The following CNTN5 variants were observed in gnomAD, a reference collection of about 807,000 sequenced individuals.
CNTN5 encodes the protein contactin-5.
In CNTN5, 77 loss-of-function variants were observed where a neutral mutation model predicts 129.1. The ratio of observed to expected loss-of-function variants is 0.60; its 90% CI spans 0.50 to 0.72. CNTN5 has a LOEUF of 0.72. Among genes scored for constraint, CNTN5 ranks in the 30% least tolerant of loss-of-function variants. The pLI, the probability that CNTN5 is intolerant of heterozygous loss-of-function variation, is 0.00. For synonymous variants in CNTN5, 509 were observed against 465.6 expected, an observed-to-expected ratio of 1.09 and a Z score of -1.20; for missense variants, 1,478 against 1,328.8, an observed-to-expected ratio of 1.11 and a Z score of -1.75.
intron 2 of CNTN5, among the ~76,000 whole-genome samples, chr11:99,481,522 T>A (rs1368855299): frequency 4.6e-5 from 7 of 152,198 alleles, no homozygotes; most frequent in Non-Finnish European, 1.0e-4. Context: ...TTGCTGATTA[T>A]GTGAGAAATC....
At chr11:99,633,489 G>A (rs1453792987) in intron 3 of CNTN5, among the ~76,000 whole-genome samples, 1 of 152,156 alleles carries the variant, frequency 6.6e-6, no homozygotes, top group African/African-American at 2.4e-5. Flanking sequence ...TTATCAAGCA[G>A]CTTCTACAAG....
chr11:99,678,954 A>ACTCT (rs201157895), intron 3 of CNTN5, among the ~76,000 whole-genome samples: 8 of 147,534 alleles, frequency 5.4e-5, no homozygotes, highest in East Asian at 3.9e-4. Flanking sequence ...TCTGCTATTC[A>ACTCT]CTCTCTCTCT....
At chr11:99,789,237 C>A (rs1365273516) in intron 3 of CNTN5, among the ~76,000 whole-genome samples, 4 of 151,742 alleles carry the variant, frequency 2.6e-5, no homozygotes, top group Non-Finnish European at 5.9e-5. Flanking sequence ...TTGTACCAGA[C>A]AATGTACTCA....
chr11:100,142,987 G>A (rs943658775), intron 13 of CNTN5, among the ~76,000 whole-genome samples: 1 of 151,946 alleles, frequency 6.6e-6, no homozygotes, highest in African/African-American at 2.4e-5. Flanking sequence ...TTATCTTCAG[G>A]CTATGTGTAC....
rs1395583050 is a variant in CNTN5, at chr11:99,031,307, A to G, written c.-210+10037A>G. Among the ~76,000 whole-genome samples, 126 of 152,234 alleles carry G rather than the reference A, an allele frequency of 8.3e-4. 1 individual carries two copies. Among genetic ancestry groups the G allele is most frequent in the Non-Finnish European group, 1.0e-4 (7 of 68,008 alleles). ...ATAAAATAAAAACACATTTTATTAT[A>G]TGTGTGGTAAATCATATAATATTTT... On this transcript the variant is annotated intron_variant, in intron 1 of 24. Transcript: ENST00000524871.
In CNTN5 at chr11:100,356,475, CA is replaced by C. The variant is rs1279068037; in HGVS notation, c.*258del. 8.5e-6 allele frequency: 4 copies of C among 469,626 alleles called. No homozygotes were observed. Among genetic ancestry groups the C allele is most frequent in the African/African-American group, 8.0e-5 (4 of 49,900 alleles). The allele number at this position is 469,626 out of a possible 1,614,324, so 29.1% of individuals were successfully genotyped here. ...ATTGTATGTAATGAATTTTTGTAAA[CA>C]AAGGTAATTTCTGTCAAATGTATTC... On this transcript the variant is annotated 3_prime_UTR_variant, in exon 25 of 25. Coordinates refer to ENST00000524871, the MANE Select transcript of CNTN5 (RefSeq NM_014361.4).
At chr11:100,060,726 G>A (rs1405168498) in intron 9 of CNTN5, among the ~76,000 whole-genome samples, 3 of 148,452 alleles carry the variant, frequency 2.0e-5, no homozygotes, top group African/African-American at 7.5e-5. Flanking sequence ...TGCAACCTCC[G>A]CTTTCCGGTT....
At chr11:99,687,994 T>A (rs2134758387) in intron 3 of CNTN5, among the ~76,000 whole-genome samples, 1 of 152,308 alleles carries the variant, frequency 6.6e-6, no homozygotes, top group East Asian at 1.9e-4. Flanking sequence ...TTAGTTATTT[T>A]CCAGATTTCC....
intron 2 of CNTN5, among the ~76,000 whole-genome samples, chr11:99,414,029 A>C (rs1942522976): frequency 6.6e-6 from 1 of 152,230 alleles, no homozygotes; most frequent in Non-Finnish European, 1.5e-5. Flanking sequence ...TATTTGTTCA[A>C]CAAATAGATA....
intron 7 of CNTN5, among the ~76,000 whole-genome samples, chr11:99,931,201 G>A (rs1413256395): frequency 6.6e-6 from 1 of 152,082 alleles, no homozygotes; most frequent in African/African-American, 2.4e-5. Context: ...ATAGAAAAAT[G>A]TTTTGTTCTT....
At chr11:100,348,847 T>A (rs1282888928) in intron 23 of CNTN5, among the ~76,000 whole-genome samples, 1 of 152,078 alleles carries the variant, frequency 6.6e-6, no homozygotes, top group Non-Finnish European at 1.5e-5. Context: ...TATTTCCCGC[T>A]GCAGTGCATA....
chr11:99,026,229 A>G (rs1265013803), intron 1 of CNTN5, among the ~76,000 whole-genome samples: 1 of 151,646 alleles, frequency 6.6e-6, no homozygotes, highest in Admixed American at 6.6e-5. Context: ...AACACTGTGA[A>G]AAGTCTCATG....
At chr11:99,444,085 C>A (rs36096393) in intron 2 of CNTN5, among the ~76,000 whole-genome samples, 6,315 of 151,828 alleles carry the variant, frequency 0.042, 188 homozygotes, top group South Asian at 0.076. Context: ...GTAGTCCCAG[C>A]TCTTCGGGAG....
intron 3 of CNTN5, among the ~76,000 whole-genome samples, chr11:99,705,166 T>C (rs905206746): frequency 5.3e-5 from 8 of 151,374 alleles, no homozygotes; most frequent in African/African-American, 1.9e-4. Flanking sequence ...ATATTCTTAT[T>C]CTGTCCTCTT....
intron 1 of CNTN5, among the ~76,000 whole-genome samples, chr11:99,320,483 A>G (rs12365263): frequency 0.26 from 39,824 of 152,090 alleles, 5,844 homozygotes; most frequent in Middle Eastern, 0.38. Context: ...TTTTTTGTGT[A>G]TAGGTGGCAT....
intron 6 of CNTN5, among the ~76,000 whole-genome samples, chr11:99,900,907 G>C (rs916854093): frequency 1.3e-5 from 2 of 151,870 alleles, no homozygotes; most frequent in African/African-American, 4.8e-5. Context: ...TGTCTCTAAA[G>C]CTTTATATGT....
chr11:99,474,241 C>A (rs1047140379), intron 2 of CNTN5, among the ~76,000 whole-genome samples: 8 of 151,778 alleles, frequency 5.3e-5, no homozygotes, highest in Non-Finnish European at 1.0e-4. Context: ...TTGGATATTT[C>A]TTTGTTGATT....
At chr11:99,866,822 G>A (rs905149846) in intron 6 of CNTN5, among the ~76,000 whole-genome samples, 2 of 152,162 alleles carry the variant, frequency 1.3e-5, no homozygotes, top group African/African-American at 4.8e-5. Flanking sequence ...CTCCCTTGTG[G>A]TCATTTCTCT....
At chr11:100,332,234 G>C (rs1456428844) in intron 21 of CNTN5, among the ~76,000 whole-genome samples, 2 of 152,060 alleles carry the variant, frequency 1.3e-5, no homozygotes, top group Non-Finnish European at 2.9e-5. Flanking sequence ...AGAAAATCTA[G>C]AGGAGAGGGA....
Sources: gnomAD v4.1 joint callset for allele counts (sites outside exome capture counted in the v4.1 genomes callset) on GRCh38, gnomAD v4.1.1 for gene constraint, MANE v1.5 for transcripts, NCBI Gene and HGNC (gene_info 2026-07-23, HGNC 2026-07-21) for gene names.